Variants in CPXM2 observed in about 807,000 individuals in gnomAD.
CPXM2 encodes the protein carboxypeptidase X, M14 family member 2, also known as inactive carboxypeptidase-like protein X2.
A neutral mutation model predicts 86.1 loss-of-function variants in CPXM2; 66 were observed. The observed-to-expected ratio is 0.77, with a 90% CI of 0.63 to 0.94. The LOEUF is 0.94. CPXM2 is among the 40% of genes least tolerant of loss of function. CPXM2 has a pLI of 0.00. For synonymous variants in CPXM2, 388 were observed against 400.2 expected, an observed-to-expected ratio of 0.97 and a Z score of 0.36; for missense variants, 948 against 1,026.3, an observed-to-expected ratio of 0.92 and a Z score of 1.04.
At chr10:123,863,212 T>C (rs563525681) in intron 2 of CPXM2, among the ~76,000 whole-genome samples, 29 of 152,338 alleles carry the variant, frequency 1.9e-4, no homozygotes, top group Admixed American at 7.2e-4. Flanking sequence ...ACACCAGTGC[T>C]TGATCGTCCC....
intron 1 of CPXM2, among the ~76,000 whole-genome samples, chr10:123,884,730 TTCTC>T (rs1253340349): frequency 6.6e-6 from 1 of 150,558 alleles, no homozygotes; most frequent in Non-Finnish European, 1.5e-5. Context: ...CTCTCTCTCT[TTCTC>T]TCTCTGTCTC....
At chr10:123,874,443 CA>C (rs1434901338) in intron 2 of CPXM2, among the ~76,000 whole-genome samples, 1 of 152,004 alleles carries the variant, frequency 6.6e-6, no homozygotes, top group East Asian at 1.9e-4. Flanking sequence ...AGCATTTCAA[CA>C]AACACATTCT....
At chr10:123,796,578 TA>T (rs56107232) in intron 6 of CPXM2, among the ~76,000 whole-genome samples, 16,632 of 152,260 alleles carry the variant, frequency 0.11, 1,226 homozygotes, top group African/African-American at 0.22. Context: ...GTTTGTATTC[TA>T]AAAAATCTGA....
At chr10:123,794,251 C>T (rs1412225300) in intron 6 of CPXM2, among the ~76,000 whole-genome samples, 2 of 152,148 alleles carry the variant, frequency 1.3e-5, no homozygotes, top group Non-Finnish European at 2.9e-5. Context: ...GGAGGACAGT[C>T]GCTCAGACCT....
intron 12 of CPXM2, among the ~76,000 whole-genome samples, chr10:123,756,902 C>T (rs546181951): frequency 3.3e-5 from 5 of 152,314 alleles, no homozygotes; most frequent in Admixed American, 6.5e-5. Flanking sequence ...TGGCAGCCAG[C>T]GTAGACTGAG....
At chr10:123,894,249 G>T (rs189127888), upstream of CPXM2, among the ~76,000 whole-genome samples, 5 of 152,272 alleles carry the variant, frequency 3.3e-5, no homozygotes, top group Admixed American at 3.3e-4. Context: ...TCTTAGGTGA[G>T]TAACATAACA....
intron 13 of CPXM2, among the ~76,000 whole-genome samples, chr10:123,753,949 C>G (rs1342466841): frequency 2.0e-5 from 3 of 152,156 alleles, no homozygotes; most frequent in East Asian, 3.8e-4. Flanking sequence ...AGCATTTCAT[C>G]TAATGACAGC....
intron 13 of CPXM2, 55 bp from the exon 14 acceptor site, chr10:123,747,072 C>T (rs1013899135): frequency 1.1e-5 from 17 of 1,578,920 alleles, no homozygotes; most frequent in Admixed American, 3.6e-5. Flanking sequence ...ATGCAGATCC[C>T]GCCAGCCCTC....
intron 4 of CPXM2, among the ~76,000 whole-genome samples, chr10:123,829,452 C>T (rs1051816362): frequency 3.9e-5 from 6 of 151,918 alleles, no homozygotes; most frequent in Admixed American, 2.0e-4. Flanking sequence ...GCATGAGCCA[C>T]TGCACCCAAC....
upstream of CPXM2, among the ~76,000 whole-genome samples, chr10:123,942,047 T>A (rs560226554): frequency 2.0e-5 from 3 of 152,234 alleles, no homozygotes; most frequent in Non-Finnish European, 2.9e-5. Flanking sequence ...CCTGCACCTT[T>A]CATTGTCTTT....
intron 6 of CPXM2, among the ~76,000 whole-genome samples, chr10:123,793,281 G>A (rs192192292): frequency 3.3e-5 from 5 of 151,882 alleles, no homozygotes; most frequent in African/African-American, 9.7e-5. Context: ...TGGCTGACAC[G>A]GTGAAACCCC....
chr10:123,938,568 T>G (rs965465400), intron 2 of CPXM2, among the ~76,000 whole-genome samples: 16 of 152,186 alleles, frequency 1.1e-4, no homozygotes, highest in African/African-American at 3.9e-4. Flanking sequence ...TGGCCTGCAC[T>G]CTGTCATGTG....
intron 6 of CPXM2, among the ~76,000 whole-genome samples, chr10:123,781,250 G>A (rs185392030): frequency 3.3e-4 from 51 of 152,266 alleles, no homozygotes; most frequent in African/African-American, 1.2e-3. Flanking sequence ...GGGGGGTCAG[G>A]GAGGCAATGT....
chr10:123,811,150 C>CTT (rs372146234), intron 4 of CPXM2, among the ~76,000 whole-genome samples: 4 of 145,602 alleles, frequency 2.7e-5, no homozygotes, highest in East Asian at 3.9e-4. Flanking sequence ...TTTCTTTTTT[C>CTT]TTTTTTTTTT....
intron 2 of CPXM2, among the ~76,000 whole-genome samples, chr10:123,925,991 T>A (rs549823323): frequency 6.6e-6 from 1 of 152,338 alleles, no homozygotes; most frequent in African/African-American, 2.4e-5. Flanking sequence ...ATATCATGCT[T>A]TTAAAGTATA....
At position 123,768,518 on chromosome 10, in the gene CPXM2, G is replaced by T. The variant is rs758678722; in HGVS notation, c.1299+8C>A. On this transcript the variant is annotated splice_region_variant and intron_variant, in intron 9 of 13. Transcript: ENST00000241305. Reference sequence around the variant, plus strand: ...GTCCTATTGGGTGAGATGGGCCAGGGCCATTACCCCTTCGTAGGCCTTCTC... The same window carrying T: ...GTCCTATTGGGTGAGATGGGCCAGGTCCATTACCCCTTCGTAGGCCTTCTC... The T allele has an allele frequency of 1.2e-6, 2 of 1,608,746 alleles. No individual in the cohort carries two copies. The highest frequency in any genetic ancestry group is 3.4e-5 in the Admixed American group (2 of 59,694).
chr10:123,858,248 A>G (rs1447045662), intron 3 of CPXM2, among the ~76,000 whole-genome samples: 3 of 152,232 alleles, frequency 2.0e-5, no homozygotes, highest in East Asian at 3.8e-4. Flanking sequence ...AGCTCCCTTA[A>G]GCACTGCAGC....
chr10:123,900,117 C>T (rs1198976196), intron 2 of CPXM2, among the ~76,000 whole-genome samples: 5 of 152,216 alleles, frequency 3.3e-5, no homozygotes, highest in Non-Finnish European at 7.3e-5. Flanking sequence ...TCTTGGCTCT[C>T]TGCAAACTCT....
upstream of CPXM2, among the ~76,000 whole-genome samples, chr10:123,895,125 T>C (rs1590109746): frequency 8.7e-6 from 1 of 115,036 alleles, no homozygotes; most frequent in African/African-American, 2.9e-5. Context: ...TTTTTTCTTT[T>C]TTTTTTTTTT....
Sources: allele counts gnomAD v4.1 joint callset (sites outside exome capture counted in the v4.1 genomes callset), GRCh38; gene constraint gnomAD v4.1.1; transcripts MANE v1.5; gene names NCBI Gene and HGNC (gene_info 2026-07-23, HGNC 2026-07-21).